Variants in CACNA1D observed in about 807,000 individuals in gnomAD.
The protein encoded by CACNA1D is calcium voltage-gated channel subunit alpha1 D, also known as voltage-dependent L-type calcium channel subunit alpha-1D.
A neutral mutation model predicts 257.1 loss-of-function variants in CACNA1D; 55 were observed. That is an observed-to-expected ratio of 0.21 (90% CI 0.17 to 0.27). CACNA1D has a LOEUF of 0.27. CACNA1D is among the 10% of genes least tolerant of loss of function. The pLI, the probability that CACNA1D is intolerant of heterozygous loss-of-function variation, is 1.00. For missense variants in CACNA1D, 1,876 were observed against 2,784.0 expected, an observed-to-expected ratio of 0.67 and a Z score of 7.34; for synonymous variants, 980 against 1,014.9, an observed-to-expected ratio of 0.97 and a Z score of 0.65.
Position 53,810,067 on chromosome 3 carries a change from C to T in CACNA1D, c.5961C>T (p.Thr1987=), listed in dbSNP as rs779676450. ...STRSWATPPA[T]PPYRDWTPCY... The stretch of plus-strand genomic sequence containing the variant: ...GGTCGTGGGCCACCCCTCCAGCAAC[C>T]CCTCCCTACCGGGACTGGACACCGT... The change falls in exon 47 of 48, where the codon ACC becomes ACT. Residue 1987 remains threonine (T), a synonymous_variant. Transcript: ENST00000350061. The T allele has an allele frequency of 6.2e-7, 1 of 1,613,994 alleles. No homozygotes were observed. The highest frequency in any genetic ancestry group is 1.1e-5 in the South Asian group (1 of 91,088).
At chr3:53,623,674 G>A (rs1218702473) in intron 3 of CACNA1D, among the ~76,000 whole-genome samples, 1 of 152,180 alleles carries the variant, frequency 6.6e-6, no homozygotes, top group Non-Finnish European at 1.5e-5. Flanking sequence ...CCCACCACAG[G>A]AGCCTTTGCA....
chr3:53,735,200 G>A (rs1293926614), intron 19 of CACNA1D, among the ~76,000 whole-genome samples, 174 bp from the exon 20 acceptor site: 1 of 152,176 alleles, frequency 6.6e-6, no homozygotes, highest in Non-Finnish European at 1.5e-5. Flanking sequence ...GCCTTTGGTG[G>A]GCTTCGAGAG....
intron 3 of CACNA1D, among the ~76,000 whole-genome samples, chr3:53,606,410 A>G (rs927257312): frequency 6.6e-6 from 1 of 152,234 alleles, no homozygotes; most frequent in Non-Finnish European, 1.5e-5. Context: ...GACAACATGA[A>G]TTACCTTCAA....
intron 3 of CACNA1D, among the ~76,000 whole-genome samples, chr3:53,544,150 A>T (rs554032816): frequency 2.6e-5 from 4 of 152,292 alleles, no homozygotes; most frequent in African/African-American, 9.6e-5. Context: ...GGAAGGATGC[A>T]GATCTGACAA....
chr3:53,556,585 T>C (rs2092648815), intron 3 of CACNA1D, among the ~76,000 whole-genome samples: 1 of 152,224 alleles, frequency 6.6e-6, no homozygotes, highest in South Asian at 2.1e-4. Context: ...GTCTTTTGGG[T>C]TTCTTTTTAC....
At chr3:53,737,010 T>C (rs1406097675) in intron 20 of CACNA1D, among the ~76,000 whole-genome samples, 1 of 151,858 alleles carries the variant, frequency 6.6e-6, no homozygotes, top group Non-Finnish European at 1.5e-5. Flanking sequence ...ATAGAAAATG[T>C]TTGGGGGTGG....
intron 3 of CACNA1D, among the ~76,000 whole-genome samples, chr3:53,534,542 C>A (rs978992722): frequency 1.3e-5 from 2 of 152,098 alleles, no homozygotes; most frequent in Admixed American, 6.5e-5. Flanking sequence ...TCTGTGTGCC[C>A]CTCAACCTCA....
chr3:53,679,308 G>C (rs929489642), intron 8 of CACNA1D: 1 of 22,652 alleles, frequency 4.4e-5, no homozygotes, highest in Non-Finnish European at 1.2e-4. Context: ...AAAAAAAAAA[G>C]ACTTTTCTCT....
rs190830929 is a variant in CACNA1D, at chr3:53,634,417, A to G, written c.484-16362A>G. ...CTTTCACCTGGCCAACAGGACTTCCATGGTTGTGATTTCAAGGTGCTTGTT... is the reference window on the plus strand; with the variant it reads ...CTTTCACCTGGCCAACAGGACTTCCGTGGTTGTGATTTCAAGGTGCTTGTT... On this transcript the variant is annotated intron_variant, in intron 3 of 47. Transcript: ENST00000350061. Among the ~76,000 whole-genome samples the G allele has an allele frequency of 5.7e-4, 87 of 152,254 alleles. No individual in the cohort carries two copies. The East Asian group carries it at 0.014, about 24-fold the overall frequency.
intron 46 of CACNA1D, chr3:53,809,701 T>C: frequency 2.0e-6 from 1 of 504,440 alleles, no homozygotes; most frequent in Non-Finnish European, 3.6e-6. Flanking sequence ...TGATTCTTCA[T>C]TCTGAAGCAA....
At chr3:53,614,376 G>C (rs569642756) in intron 3 of CACNA1D, among the ~76,000 whole-genome samples, 5 of 152,238 alleles carry the variant, frequency 3.3e-5, no homozygotes, top group African/African-American at 1.2e-4. Flanking sequence ...AGGGTGCCAA[G>C]GGAAGATGTG....
At chr3:53,810,784 A>AAC (rs2095596109) in intron 47 of CACNA1D, among the ~76,000 whole-genome samples, 1 of 144,062 alleles carries the variant, frequency 6.9e-6, no homozygotes, top group Non-Finnish European at 1.5e-5. Context: ...AAAAAAAAAA[A>AAC]AACAAAAACT....
intron 3 of CACNA1D, among the ~76,000 whole-genome samples, chr3:53,584,856 GA>G (rs1322332951): frequency 6.9e-6 from 1 of 144,530 alleles, no homozygotes; most frequent in African/African-American, 2.5e-5. Context: ...GACTCTATTA[GA>G]GTCTTTTGGT....
Position 53,778,009 on chromosome 3 carries a change from A to T in CACNA1D, c.4587+1053A>T, listed in dbSNP as rs78013730. 9.0e-3 allele frequency among the ~76,000 whole-genome samples: 1,377 copies of T among 152,316 alleles called. 23 individuals carry two copies. The highest frequency in any genetic ancestry group is 0.031 in the African/African-American group (1,271 of 41,570). ...GGTCAGGCGTTTTTACCACTCCAGG[A>T]TGCTGAGCCAGCTCTAGACAGAAAC... On this transcript the variant is annotated intron_variant, in intron 37 of 47. Coordinates refer to ENST00000350061, the MANE Select transcript of CACNA1D (RefSeq NM_001128840.3).
At chr3:53,588,563 C>T (rs2884662) in intron 3 of CACNA1D, among the ~76,000 whole-genome samples, 4 of 152,140 alleles carry the variant, frequency 2.6e-5, no homozygotes, top group African/African-American at 9.7e-5. Context: ...ACTGACAGAT[C>T]TGTGCCCCTT....
At chr3:53,791,486 C>G (rs1177894716) in intron 40 of CACNA1D, 1 of 155,552 alleles carries the variant, frequency 6.4e-6, no homozygotes, top group Non-Finnish European at 1.4e-5. Context: ...AGTCCTGCAT[C>G]CCTAGTTTGC....
At chr3:53,768,072 T>C (rs575448506) in intron 30 of CACNA1D, among the ~76,000 whole-genome samples, 2 of 152,366 alleles carry the variant, frequency 1.3e-5, no homozygotes, top group Admixed American at 6.5e-5. Flanking sequence ...AAGATATCAG[T>C]TGAAGAGATG....
At chr3:53,533,078 G>A (rs1446080700) in intron 3 of CACNA1D, among the ~76,000 whole-genome samples, 1 of 152,182 alleles carries the variant, frequency 6.6e-6, no homozygotes. Flanking sequence ...TCTTAGCCAT[G>A]ATCCCTCTGA....
At chr3:53,626,854 C>A (rs2093765235) in intron 3 of CACNA1D, among the ~76,000 whole-genome samples, 1 of 152,176 alleles carries the variant, frequency 6.6e-6, no homozygotes, top group Non-Finnish European at 1.5e-5. Flanking sequence ...CTTGGGCAGA[C>A]TTCCCATTTT....
Sources: gnomAD v4.1 joint callset for allele counts (sites outside exome capture counted in the v4.1 genomes callset) on GRCh38, gnomAD v4.1.1 for gene constraint, MANE v1.5 for transcripts, NCBI Gene and HGNC (gene_info 2026-07-23, HGNC 2026-07-21) for gene names.